Variants in PAK1 observed in about 807,000 individuals in gnomAD.
PAK1 encodes serine/threonine-protein kinase PAK 1.
A neutral mutation model predicts 67.4 loss-of-function variants in PAK1; 29 were observed. The ratio of observed to expected loss-of-function variants is 0.43; its 90% CI spans 0.32 to 0.59. PAK1 has a LOEUF of 0.59. PAK1 is among the 20% of genes least tolerant of loss of function. PAK1 has a pLI of 0.07. For synonymous variants in PAK1, 223 were observed against 237.4 expected, an observed-to-expected ratio of 0.94 and a Z score of 0.56; for missense variants, 337 against 670.7, an observed-to-expected ratio of 0.50 and a Z score of 5.50.
intron 1 of PAK1, among the ~76,000 whole-genome samples, chr11:77,439,493 C>A (rs896210880): frequency 6.6e-6 from 1 of 152,162 alleles, no homozygotes; most frequent in African/African-American, 2.4e-5. Context: ...AGAGAGAGTT[C>A]AAACATGGGT....
intron 1 of PAK1, among the ~76,000 whole-genome samples, chr11:77,430,877 T>C (rs1955828719): frequency 6.6e-6 from 1 of 152,184 alleles, no homozygotes; most frequent in Non-Finnish European, 1.5e-5. Context: ...CATGGCCTGT[T>C]AGGAACTGGG....
At chr11:77,496,716 T>C in the PAK1 span, among the ~76,000 whole-genome samples, 1 of 152,176 alleles carries the variant, frequency 6.6e-6, no homozygotes, top group African/African-American at 2.4e-5. Flanking sequence ...GCAGATCACT[T>C]GAGGTCAGGA....
chr11:77,437,019 T>C lies in PAK1; in HGVS notation c.-22+36533A>G, dbSNP rs187528377. 3.0e-3 allele frequency among the ~76,000 whole-genome samples: 455 copies of C among 152,300 alleles called. 5 individuals are homozygous for C. The highest frequency in any genetic ancestry group is 0.011 in the African/African-American group (442 of 41,570). On this transcript the variant is annotated intron_variant, in intron 1 of 14. Coordinates refer to ENST00000356341, the MANE Select transcript of PAK1 (RefSeq NM_002576.5). ...GGGGATGATACTACCTATTTCACAG[T>C]ACTGTTCTGAGGATAAAATAGGAAA...
chr11:77,448,865 A>T (rs1391095740), intron 1 of PAK1, among the ~76,000 whole-genome samples: 1 of 152,222 alleles, frequency 6.6e-6, no homozygotes, highest in East Asian at 1.9e-4. Flanking sequence ...GCTGGAGAAG[A>T]ACAGTAATAA....
chr11:77,465,026 C>CTG (rs914848830), intron 1 of PAK1, among the ~76,000 whole-genome samples: 1 of 145,226 alleles, frequency 6.9e-6, no homozygotes, highest in South Asian at 2.2e-4. Flanking sequence ...GTGTGTGTGT[C>CTG]TGTGTGTGTG....
chr11:77,498,480 C>T, the PAK1 span, among the ~76,000 whole-genome samples: 20 of 148,058 alleles, frequency 1.4e-4, 1 homozygote, highest in Admixed American at 5.4e-4. Context: ...GCTCTTTCTC[C>T]GACACACACA....
intron 1 of PAK1, among the ~76,000 whole-genome samples, chr11:77,416,103 C>G (rs138760857): frequency 6.6e-6 from 1 of 151,768 alleles, no homozygotes; most frequent in Non-Finnish European, 1.5e-5. Flanking sequence ...CTCAGCCTCC[C>G]GAGTAGCTGG....
At chr11:77,329,867 T>C (rs1409046685) in intron 14 of PAK1, among the ~76,000 whole-genome samples, 3 of 152,212 alleles carry the variant, frequency 2.0e-5, no homozygotes, top group Non-Finnish European at 2.9e-5. Flanking sequence ...GATGACATGA[T>C]TGTATATTTA....
rs1958004976 is a variant in PAK1, at chr11:77,474,029, C to T, written c.-499G>A. 6.6e-6 allele frequency: 1 copy of T among 152,072 alleles called. No individual in the cohort carries two copies. The highest frequency in any genetic ancestry group is 2.4e-5 in the African/African-American group (1 of 41,320). The allele number at this position is 152,072 out of a possible 1,614,324, so 9.4% of individuals were successfully genotyped here. ...TGAGGGGGCGTCTACTGTGCAGCCACCACCTTCGGCTCCGGCTGCAGCCGC... is the reference window on the plus strand; with the variant it reads ...TGAGGGGGCGTCTACTGTGCAGCCATCACCTTCGGCTCCGGCTGCAGCCGC... On this transcript the variant is annotated 5_prime_UTR_variant, in exon 1 of 15. It adds an upstream start codon to the 5' untranslated region. Transcript: ENST00000356341.
chr11:77,489,731 G>A, the PAK1 span, among the ~76,000 whole-genome samples: 5 of 151,188 alleles, frequency 3.3e-5, no homozygotes, highest in African/African-American at 1.2e-4. Flanking sequence ...GATTGCAGAC[G>A]AAGTCTCGTT....
chr11:77,428,259 T>C (rs1371830819), intron 1 of PAK1, among the ~76,000 whole-genome samples: 1 of 152,050 alleles, frequency 6.6e-6, no homozygotes, highest in Non-Finnish European at 1.5e-5. Context: ...TTAGGAGGCT[T>C]TGTGTTATAA....
intron 5 of PAK1, among the ~76,000 whole-genome samples, chr11:77,373,188 A>G (rs1180004646): frequency 1.3e-5 from 2 of 152,178 alleles, no homozygotes; most frequent in Non-Finnish European, 2.9e-5. Context: ...GCAAATGTTT[A>G]GTAAATCAAT....
At position 77,429,056 on chromosome 11, in the gene PAK1, T is replaced by TAAAAAAAAAAAAAAAAAA. The variant is rs566874549; in HGVS notation, c.-21-36533_-21-36516dup. ...TTGGATTCTAAATGCCATTTAATACTAAAAAAAAAAAAAAAAAAAAAAAAA... is the reference window on the plus strand; with the variant it reads ...TTGGATTCTAAATGCCATTTAATACTAAAAAAAAAAAAAAAAAAAAAAAAAAAAAAAAAAAAAAAAAAA... On this transcript the variant is annotated intron_variant, in intron 1 of 14. Transcript: ENST00000356341. Among the ~76,000 whole-genome samples, 44 of 48,990 alleles carry TAAAAAAAAAAAAAAAAAA rather than the reference T, an allele frequency of 9.0e-4. 8 individuals are homozygous for TAAAAAAAAAAAAAAAAAA. Among genetic ancestry groups the TAAAAAAAAAAAAAAAAAA allele is most frequent in the East Asian group, 2.5e-3 (3 of 1,206 alleles). The allele number at this position is 48,990 out of a possible 152,430, so 32.1% of individuals were successfully genotyped here. A position where few individuals can be genotyped will look rare whatever the true frequency, so the allele number is the denominator to read the frequency against.
intron 1 of PAK1, among the ~76,000 whole-genome samples, chr11:77,394,770 G>A (rs10466736): frequency 4.6e-5 from 7 of 152,068 alleles, no homozygotes; most frequent in South Asian, 2.1e-4. Context: ...GCTTGAACCC[G>A]GGAGGCAGAG....
chr11:77,391,023 A>C (rs1951073304), intron 2 of PAK1, among the ~76,000 whole-genome samples: 2 of 152,194 alleles, frequency 1.3e-5, no homozygotes, highest in South Asian at 4.1e-4. Flanking sequence ...CCTGCTCTCC[A>C]ATCACCAACA....
chr11:77,448,981 A>G (rs1390034007), intron 1 of PAK1, among the ~76,000 whole-genome samples: 5 of 152,260 alleles, frequency 3.3e-5, no homozygotes, highest in Admixed American at 2.6e-4. Context: ...TTAAAAAATG[A>G]TATTATACAA....
At chr11:77,494,306 G>A in the PAK1 span, among the ~76,000 whole-genome samples, 6 of 152,190 alleles carry the variant, frequency 3.9e-5, no homozygotes, top group Admixed American at 1.3e-4. Context: ...GAAATGTGTG[G>A]ATCTCTATGT....
chr11:77,513,865 T>C, the PAK1 span, among the ~76,000 whole-genome samples: 596 of 152,250 alleles, frequency 3.9e-3, 3 homozygotes, highest in African/African-American at 0.014. Context: ...CACCTACTTA[T>C]AGTCCCCTAT....
chr11:77,489,074 C>G, the PAK1 span, among the ~76,000 whole-genome samples: 1 of 152,078 alleles, frequency 6.6e-6, no homozygotes, highest in East Asian at 1.9e-4. Flanking sequence ...AAATAACATA[C>G]AGTGGAGCTC....
Sources: gnomAD v4.1 joint callset for allele counts (sites outside exome capture counted in the v4.1 genomes callset) on GRCh38, gnomAD v4.1.1 for gene constraint, MANE v1.5 for transcripts, NCBI Gene and HGNC (gene_info 2026-07-23, HGNC 2026-07-21) for gene names.